RAD51B: variants seen among roughly 807,000 people sequenced by gnomAD.
The protein encoded by RAD51B is RAD51 paralog B, also known as DNA repair protein RAD51 homolog 2.
In RAD51B, 38 loss-of-function variants were observed where a neutral mutation model predicts 42.2. The observed-to-expected ratio is 0.90, with a 90% CI of 0.70 to 1.18. The LOEUF is 1.18. RAD51B is among the 50% of genes most tolerant of loss of function. The pLI, the probability that RAD51B is intolerant of heterozygous loss-of-function variation, is 0.00. For missense variants in RAD51B, 373 were observed against 400.7 expected (o/e 0.93, Z 0.59); for synonymous variants, 154 against 145.2 (o/e 1.06, Z -0.43).
At chr14:68,402,889 C>G (rs2084152411) in intron 8 of RAD51B, among the ~76,000 whole-genome samples, 1 of 152,174 alleles carries the variant, frequency 6.6e-6, no homozygotes, top group Admixed American at 6.5e-5. Context: ...GGTAACTGCT[C>G]ATTACCAAGG....
At chr14:68,096,460 C>CCT (rs1475632850) in intron 7 of RAD51B, among the ~76,000 whole-genome samples, 1 of 152,198 alleles carries the variant, frequency 6.6e-6, no homozygotes, top group Admixed American at 6.5e-5. Flanking sequence ...GCTGCTTTTA[C>CCT]CTCTTGCAGA....
At chr14:68,212,514 T>A (rs1452242834) in intron 7 of RAD51B, among the ~76,000 whole-genome samples, 1 of 152,182 alleles carries the variant, frequency 6.6e-6, no homozygotes, top group Non-Finnish European at 1.5e-5. Context: ...TTGGACTGGT[T>A]TAGAACCCTC....
At chr14:68,069,417 TA>T (rs2076705765) in intron 7 of RAD51B, among the ~76,000 whole-genome samples, 1 of 152,152 alleles carries the variant, frequency 6.6e-6, no homozygotes, top group African/African-American at 2.4e-5. Flanking sequence ...AAGTAGTTTT[TA>T]AAATCCTCAC....
At chr14:68,670,729 A>G (rs1352443189) in intron 11 of RAD51B, among the ~76,000 whole-genome samples, 1 of 152,360 alleles carries the variant, frequency 6.6e-6, no homozygotes, top group African/African-American at 2.4e-5. Context: ...GCTTCAGGCA[A>G]CAATGGAAAA....
intron 9 of RAD51B, among the ~76,000 whole-genome samples, chr14:68,427,535 G>A (rs1332118156): frequency 6.6e-6 from 1 of 152,154 alleles, no homozygotes; most frequent in African/African-American, 2.4e-5. Flanking sequence ...GACTAACTTG[G>A]GATCAGTTAC....
chr14:67,869,680 C>T (rs1042036028), intron 5 of RAD51B, among the ~76,000 whole-genome samples: 1 of 151,996 alleles, frequency 6.6e-6, no homozygotes, highest in Non-Finnish European at 1.5e-5. Context: ...TAAGCGCAGC[C>T]AGAGAGAAAG....
At chr14:68,017,700 T>C (rs554913869) in intron 7 of RAD51B, among the ~76,000 whole-genome samples, 21 of 151,992 alleles carry the variant, frequency 1.4e-4, no homozygotes, top group Admixed American at 2.0e-4. Context: ...AGGCCAGGCA[T>C]GGTGGCTCAT....
intron 7 of RAD51B, among the ~76,000 whole-genome samples, chr14:67,964,706 T>G (rs1303195216): frequency 6.6e-6 from 1 of 152,206 alleles, no homozygotes; most frequent in African/African-American, 2.4e-5. Flanking sequence ...TAAGTGGTAG[T>G]ACAGGTTCCT....
intron 7 of RAD51B, among the ~76,000 whole-genome samples, chr14:67,993,840 A>G (rs965604925): frequency 1.3e-5 from 2 of 152,166 alleles, no homozygotes; most frequent in Non-Finnish European, 2.9e-5. Context: ...GTAAACAATT[A>G]TTACTTTGTT....
chr14:68,369,501 G>C (rs2083208795), intron 8 of RAD51B, among the ~76,000 whole-genome samples: 1 of 152,170 alleles, frequency 6.6e-6, no homozygotes. Context: ...TTTCTTCCTG[G>C]GTAAAAAGTG....
chr14:68,575,703 C>G (rs997271425), intron 10 of RAD51B, among the ~76,000 whole-genome samples: 4 of 152,246 alleles, frequency 2.6e-5, no homozygotes, highest in African/African-American at 2.4e-5. Flanking sequence ...GCAGCAGTCC[C>G]TGCACCCAGG....
chr14:68,545,842 A>G (rs1343592359), intron 10 of RAD51B, among the ~76,000 whole-genome samples: 5 of 152,172 alleles, frequency 3.3e-5, no homozygotes. Context: ...CGCATTAGTA[A>G]GACTTTTGCT....
intron 10 of RAD51B, among the ~76,000 whole-genome samples, chr14:68,521,535 C>T (rs949671239): frequency 6.6e-6 from 1 of 152,236 alleles, no homozygotes; most frequent in Non-Finnish European, 1.5e-5. Flanking sequence ...CCAGTTCACA[C>T]AGATGTATGA....
intron 5 of RAD51B, among the ~76,000 whole-genome samples, chr14:67,875,567 G>A (rs546416676): frequency 2.0e-5 from 3 of 152,272 alleles, no homozygotes; most frequent in Admixed American, 2.0e-4. Context: ...ACAATATTCA[G>A]TACAGTAACA....
intron 7 of RAD51B, among the ~76,000 whole-genome samples, chr14:68,172,903 A>G (rs2078899463): frequency 1.3e-5 from 2 of 152,164 alleles, no homozygotes; most frequent in South Asian, 4.1e-4. Flanking sequence ...TTCTGAGCCA[A>G]ATCTCCAAGG....
At chr14:68,091,349 C>G (rs1007383801) in intron 7 of RAD51B, among the ~76,000 whole-genome samples, 1 of 152,158 alleles carries the variant, frequency 6.6e-6, no homozygotes, top group Admixed American at 6.5e-5. Context: ...TTCTCCATAT[C>G]CTCTCCAGCA....
At chr14:68,543,720 T>C (rs1888082109) in intron 10 of RAD51B, among the ~76,000 whole-genome samples, 2 of 152,194 alleles carry the variant, frequency 1.3e-5, no homozygotes, top group Non-Finnish European at 1.5e-5. Context: ...TTTTCAACCA[T>C]ACAGCCACCG....
At chr14:68,002,088 T>C (rs2075495909) in intron 7 of RAD51B, among the ~76,000 whole-genome samples, 1 of 152,206 alleles carries the variant, frequency 6.6e-6, no homozygotes, top group Non-Finnish European at 1.5e-5. Flanking sequence ...GGTCAAATGG[T>C]ATTTCTGCCT....
intron 8 of RAD51B, among the ~76,000 whole-genome samples, chr14:68,393,584 T>G (rs556517606): frequency 9.8e-4 from 149 of 152,328 alleles, no homozygotes; most frequent in African/African-American, 3.5e-3. Flanking sequence ...GCAATTTGGT[T>G]GAAGCAGGGA....
Sources: allele counts gnomAD v4.1 joint callset (sites outside exome capture counted in the v4.1 genomes callset), GRCh38; gene constraint gnomAD v4.1.1; transcripts MANE v1.5; gene names NCBI Gene and HGNC (gene_info 2026-07-23, HGNC 2026-07-21).